CLTC: variants seen among roughly 807,000 people sequenced by gnomAD.
CLTC encodes clathrin heavy chain, also known as clathrin heavy chain 1.
Under a neutral mutation model 195.8 loss-of-function variants are expected in CLTC, and 16 were observed. The observed-to-expected ratio is 0.08, with a 90% CI of 0.06 to 0.12. The LOEUF is 0.12. Among genes scored for constraint, CLTC ranks in the 10% least tolerant of loss-of-function variants. The pLI is 1.00. For synonymous variants in CLTC, 667 were observed against 689.4 expected, an observed-to-expected ratio of 0.97 and a Z score of 0.51; for missense variants, 796 against 2,027.0, an observed-to-expected ratio of 0.39 and a Z score of 11.66.
At chr17:59,634,075 GTTTT>G (rs2031797521) in intron 1 of CLTC, among the ~76,000 whole-genome samples, 1 of 152,024 alleles carries the variant, frequency 6.6e-6, no homozygotes. Context: ...CGCCTGGACA[GTTTT>G]TTTATTTTTT....
chr17:59,640,254 A>G (rs1284251658), intron 1 of CLTC, among the ~76,000 whole-genome samples: 3 of 152,158 alleles, frequency 2.0e-5, no homozygotes, highest in Non-Finnish European at 4.4e-5. Context: ...TTTTGAGTAT[A>G]TAACAGGAAA....
chr17:59,674,621 GA>G (rs1313946368), intron 15 of CLTC, 79 bp from the exon 16 acceptor site: 1 of 1,283,674 alleles, frequency 7.8e-7, no homozygotes, highest in African/African-American at 1.5e-5. Context: ...GCTTAAAAGC[GA>G]TAGAGATAAA....
chr17:59,679,265 A>C (rs1328435071), intron 17 of CLTC, 132 bp from the exon 18 acceptor site: 8 of 674,260 alleles, frequency 1.2e-5, no homozygotes, highest in African/African-American at 1.8e-5. Flanking sequence ...ACATGAATCA[A>C]AGTCCAAAAC....
At chr17:59,657,661 G>A (rs2032503586) in intron 6 of CLTC, among the ~76,000 whole-genome samples, 1 of 151,484 alleles carries the variant, frequency 6.6e-6, no homozygotes, top group Admixed American at 6.6e-5. Flanking sequence ...CTAGCTACTC[G>A]GGAGGCTGAG....
At chr17:59,661,377 G>A (rs978735707) in intron 7 of CLTC, 66 bp from the exon 8 acceptor site, 32 of 1,303,690 alleles carry the variant, frequency 2.5e-5, no homozygotes, top group Middle Eastern at 1.9e-4. Flanking sequence ...GATCACTTTC[G>A]AAGAGCGTTT....
chr17:59,667,308 A>G (rs540024198), intron 13 of CLTC, among the ~76,000 whole-genome samples: 12 of 152,296 alleles, frequency 7.9e-5, no homozygotes, highest in African/African-American at 2.9e-4. Context: ...CAAAGTCCAA[A>G]ACTTCTTGAG....
At chr17:59,639,315 C>T (rs183221937) in intron 1 of CLTC, among the ~76,000 whole-genome samples, 19 of 152,202 alleles carry the variant, frequency 1.2e-4, no homozygotes, top group Non-Finnish European at 2.6e-4. Context: ...ATAGTATAAC[C>T]TTTTGTAAGA....
intron 1 of CLTC, among the ~76,000 whole-genome samples, chr17:59,633,727 T>G (rs1367519482): frequency 6.6e-6 from 1 of 152,172 alleles, no homozygotes; most frequent in African/African-American, 2.4e-5. Flanking sequence ...AGGCTCCCAC[T>G]TAAATGTACA....
intron 14 of CLTC, among the ~76,000 whole-genome samples, chr17:59,673,393 T>C (rs978742663): frequency 2.0e-5 from 3 of 152,204 alleles, no homozygotes; most frequent in African/African-American, 4.8e-5. Context: ...TCTTAATTTG[T>C]TACTCTTGTT....
chr17:59,636,165 A>G (rs1166811077), intron 1 of CLTC, among the ~76,000 whole-genome samples: 1 of 152,052 alleles, frequency 6.6e-6, no homozygotes, highest in Admixed American at 6.6e-5. Context: ...ATATCATAAT[A>G]CCATAGTCCC....
chr17:59,645,220 T>A (rs1007146139), intron 2 of CLTC, among the ~76,000 whole-genome samples: 1 of 152,196 alleles, frequency 6.6e-6, no homozygotes, highest in Non-Finnish European at 1.5e-5. Flanking sequence ...CTTTTTTTTT[T>A]ATACTTCGGG....
In CLTC at chr17:59,696,241, C is replaced by T; in HGVS notation, c.*2389C>T. 4.5e-6 allele frequency: 1 copy of T among 221,776 alleles called. No homozygotes were observed. The highest frequency in any genetic ancestry group is 9.0e-6 in the Non-Finnish European group (1 of 110,874). The allele number at this position is 221,776 out of a possible 1,614,324, so 13.7% of individuals were successfully genotyped here. A position where few individuals can be genotyped will look rare whatever the true frequency, so the allele number is the denominator to read the frequency against. ...ATAGTTGCTATTGTGGCATCATTCA[C>T]AGTTGCAATTTTTCTCCTGTGCTGT... On this transcript the variant is annotated 3_prime_UTR_variant, in exon 32 of 32. Coordinates refer to ENST00000269122, the MANE Select transcript of CLTC (RefSeq NM_004859.4).
Position 59,656,044 on chromosome 17 carries a change from A to G in CLTC, c.969+17A>G. 6.3e-7 allele frequency: 1 copy of G among 1,598,796 alleles called. No individual in the cohort carries two copies. The highest frequency in any genetic ancestry group is 8.5e-7 in the Non-Finnish European group (1 of 1,174,854). On this transcript the variant is annotated intron_variant, in intron 6 of 31. Coordinates refer to ENST00000269122, the MANE Select transcript of CLTC (RefSeq NM_004859.4). ...AAGGGACAAGTAAGGAAACCTTGAA[A>G]CTTAAGCAATAAAATAAGATAACCT...
chr17:59,680,956 G>A lies in CLTC; in HGVS notation c.2964G>A (p.Val988=), dbSNP rs1376509930. The A allele has an allele frequency of 1.3e-5, 21 of 1,613,856 alleles. No individual in the cohort carries two copies. Among genetic ancestry groups the A allele is most frequent in the Non-Finnish European group, 1.7e-5 (20 of 1,179,820 alleles). The change falls in exon 19 of 32, where the codon GTG becomes GTA. Residue 988 remains valine (V), a synonymous_variant. Transcript: ENST00000269122. ...ALSETQDPEE[V]SVTVKAFMTA... ...CTGAGACTCAGGACCCTGAAGAAGTGTCAGTAACTGTAAAGGCTTTCATGA... is the reference window on the plus strand; with the variant it reads ...CTGAGACTCAGGACCCTGAAGAAGTATCAGTAACTGTAAAGGCTTTCATGA...
rs1218993653 is a variant in CLTC, at chr17:59,685,994, C to CA, written c.4827+189dup. On this transcript the variant is annotated intron_variant, in intron 30 of 31. Coordinates refer to ENST00000269122, the MANE Select transcript of CLTC (RefSeq NM_004859.4). The surrounding 1 kb of genome is among the most constrained non-coding windows in gnomAD (Gnocchi z 5.0). Reference sequence around the variant, plus strand: ...AATGACACTGATTGGAAGGGGAACTCAAATGTAGCTGTTTACCCTCAGTGT... The same window carrying CA: ...AATGACACTGATTGGAAGGGGAACTCAAAATGTAGCTGTTTACCCTCAGTGT... Among the ~76,000 whole-genome samples, 2 of 151,970 alleles carry CA rather than the reference C, an allele frequency of 1.3e-5. No individual in the cohort carries two copies. The highest frequency in any genetic ancestry group is 4.1e-4 in the South Asian group (2 of 4,820).
intron 1 of CLTC, among the ~76,000 whole-genome samples, chr17:59,639,766 G>A (rs888303833): frequency 4.7e-5 from 7 of 150,130 alleles, no homozygotes; most frequent in African/African-American, 4.9e-5. Flanking sequence ...CCAGGAGTTC[G>A]AGACCAGCCT....
intron 18 of CLTC, among the ~76,000 whole-genome samples, chr17:59,679,878 G>A (rs995073573): frequency 6.6e-6 from 1 of 151,948 alleles, no homozygotes; most frequent in Non-Finnish European, 1.5e-5. Flanking sequence ...AGACCAGCCT[G>A]GCCAACGTAG....
chr17:59,696,760 G>A lies in CLTC; in HGVS notation c.*2908G>A. 2 of 206,014 alleles carry A rather than the reference G, an allele frequency of 9.7e-6. No individual in the cohort carries two copies. The highest frequency in any genetic ancestry group is 2.0e-5 in the Non-Finnish European group (2 of 100,672). 12.8% of individuals were successfully genotyped at this position (206,014 alleles called of 1,614,324 possible). On this transcript the variant is annotated 3_prime_UTR_variant, in exon 32 of 32. Transcript: ENST00000269122. ...TTACAGTTACCATAAATTCTTACTT[G>A]GGCCCACCCATTTCCATCTGTTAAG...
intron 6 of CLTC, among the ~76,000 whole-genome samples, chr17:59,658,118 G>A (rs796861983): frequency 1.3e-5 from 2 of 152,098 alleles, no homozygotes; most frequent in African/African-American, 4.8e-5. Context: ...CAGGAGAATT[G>A]CTTGAACCCA....
Sources: allele counts gnomAD v4.1 joint callset (sites outside exome capture counted in the v4.1 genomes callset), GRCh38; gene constraint gnomAD v4.1.1; non-coding constraint Gnocchi (gnomAD v3.1); transcripts MANE v1.5; gene names NCBI Gene and HGNC (gene_info 2026-07-23, HGNC 2026-07-21).